The following RDX variants were observed in gnomAD, a reference collection of about 807,000 sequenced individuals.
RDX encodes the protein deafness, autosomal recessive 24.
In RDX, 32 loss-of-function variants were observed where a neutral mutation model predicts 83.7. The observed-to-expected ratio is 0.38, with a 90% CI of 0.29 to 0.51. The LOEUF is 0.51. Ranked by LOEUF, RDX falls within the 20% of genes least tolerant of loss-of-function variation. The probability of loss-of-function intolerance (pLI) is 0.87; values close to 1 mark genes in which losing one functional copy is unlikely to be tolerated. For missense variants in RDX, 600 were observed against 689.9 expected (o/e 0.87, Z 1.46); for synonymous variants, 229 against 222.7 (o/e 1.03, Z -0.25).
intron 2 of RDX, 93 bp from the exon 3 acceptor site, chr11:110,272,712 T>C (rs963193132): frequency 1.2e-6 from 1 of 840,276 alleles, no homozygotes; most frequent in African/African-American, 1.7e-5. Context: ...GATAAAGTTT[T>C]ATTTTAATCA....
chr11:110,183,009 C>T (rs927012051), intron 15 of RDX, among the ~76,000 whole-genome samples: 3 of 152,164 alleles, frequency 2.0e-5, no homozygotes, highest in Non-Finnish European at 2.9e-5. Context: ...CCTTAGAATG[C>T]GACTCATCCC....
At chr11:110,284,270 C>A (rs1181279096) in intron 1 of RDX, among the ~76,000 whole-genome samples, 1 of 152,096 alleles carries the variant, frequency 6.6e-6, no homozygotes, top group Non-Finnish European at 1.5e-5. Context: ...ATTTCTCCCC[C>A]CAAACTAAAT....
rs1413873470 is a variant in RDX, at chr11:110,231,525, C to A, written c.*344G>T. ...AACCCATTAAAATGTTCACCATTATCCTTTAAAATGTACACAGAACTGAAA... is the reference window on the plus strand; with the variant it reads ...AACCCATTAAAATGTTCACCATTATACTTTAAAATGTACACAGAACTGAAA... On this transcript the variant is annotated 3_prime_UTR_variant, in exon 14 of 14. Coordinates refer to ENST00000645495, the MANE Select transcript of RDX (RefSeq NM_002906.4). 1 of 310,806 alleles carries A rather than the reference C, an allele frequency of 3.2e-6. No individual in the cohort carries two copies. Among genetic ancestry groups the A allele is most frequent in the East Asian group, 7.3e-5 (1 of 13,706 alleles). 19.3% of individuals were successfully genotyped at this position (310,806 alleles called of 1,614,324 possible).
At chr11:110,244,940 A>G (rs535632669) in intron 10 of RDX, among the ~76,000 whole-genome samples, 56 of 150,842 alleles carry the variant, frequency 3.7e-4, no homozygotes, top group African/African-American at 1.2e-3. Context: ...AGAAATACGT[A>G]TATTACTGTA....
chr11:110,278,503 A>G (rs1451169346), intron 2 of RDX, among the ~76,000 whole-genome samples: 1 of 152,114 alleles, frequency 6.6e-6, no homozygotes, highest in Non-Finnish European at 1.5e-5. Flanking sequence ...ATTTATTACT[A>G]AGTGTGTCAT....
At chr11:110,216,534 T>A (rs894980413) in intron 14 of RDX, among the ~76,000 whole-genome samples, 2 of 122,936 alleles carry the variant, frequency 1.6e-5, no homozygotes, top group African/African-American at 6.1e-5. Context: ...CCACACCAAT[T>A]TTTTTTCTTT....
chr11:110,203,000 A>C (rs893849605), intron 14 of RDX, among the ~76,000 whole-genome samples: 3 of 152,030 alleles, frequency 2.0e-5, no homozygotes, highest in African/African-American at 2.4e-5. Flanking sequence ...CAGCAACCCC[A>C]CTACTGTGTA....
chr11:110,294,727 AAAAAC>A (rs978113227), intron 1 of RDX, among the ~76,000 whole-genome samples: 13 of 152,134 alleles, frequency 8.5e-5, no homozygotes, highest in East Asian at 5.8e-4. Context: ...TTTCAAAAAA[AAAAAC>A]AAAAGGACAG....
At chr11:110,189,262 AAAAAAAGACAAGGGCATTACATAATGAC>A (rs1341152122) in intron 15 of RDX, among the ~76,000 whole-genome samples, 39 of 146,012 alleles carry the variant, frequency 2.7e-4, no homozygotes, top group African/African-American at 8.0e-4. Context: ...AAAAAAAAAA[AAAAAAAGACAAGGGCATTACATAATGAC>A]AAAGGGATCA....
intron 5 of RDX, among the ~76,000 whole-genome samples, chr11:110,262,050 T>A (rs1395213786): frequency 6.6e-6 from 1 of 152,144 alleles, no homozygotes; most frequent in East Asian, 1.9e-4. Context: ...GTAATTCTGA[T>A]TATAAAACAA....
At chr11:110,271,907 A>G (rs927840448) in intron 3 of RDX, among the ~76,000 whole-genome samples, 7 of 152,190 alleles carry the variant, frequency 4.6e-5, no homozygotes, top group African/African-American at 1.7e-4. Flanking sequence ...CAGTACCAAC[A>G]TGACTCTGCA....
At chr11:110,181,774 A>C (rs942955745) in intron 15 of RDX, 3 of 152,648 alleles carry the variant, frequency 2.0e-5, no homozygotes, top group Non-Finnish European at 4.4e-5. Context: ...GTTATCACAC[A>C]TACACCAGGT....
chr11:110,206,307 G>A (rs1469551575), intron 14 of RDX, among the ~76,000 whole-genome samples: 1 of 151,644 alleles, frequency 6.6e-6, no homozygotes, highest in Non-Finnish European at 1.5e-5. Flanking sequence ...CCACCATTGG[G>A]GGAACTGATA....
chr11:110,251,395 CG>C (rs1859335149), intron 9 of RDX, among the ~76,000 whole-genome samples: 4 of 151,932 alleles, frequency 2.6e-5, no homozygotes. Flanking sequence ...TATTAAGTAC[CG>C]GGTACTTTGC....
At chr11:110,247,004 A>C (rs1295701556) in intron 10 of RDX, among the ~76,000 whole-genome samples, 1 of 152,184 alleles carries the variant, frequency 6.6e-6, no homozygotes, top group South Asian at 2.1e-4. Context: ...GAGAGGAGAA[A>C]AACATTTTAT....
At chr11:110,278,350 A>G (rs971202755) in intron 2 of RDX, among the ~76,000 whole-genome samples, 5 of 152,124 alleles carry the variant, frequency 3.3e-5, no homozygotes, top group African/African-American at 1.2e-4. Flanking sequence ...ACTGATTGGA[A>G]CTGAATTTCA....
intron 11 of RDX, 141 bp from the exon 12 acceptor site, chr11:110,236,332 T>C: frequency 4.6e-6 from 3 of 651,484 alleles, no homozygotes; most frequent in Non-Finnish European, 8.0e-6. Context: ...TTTCTTAAGA[T>C]CTTAAATAGC....
chr11:110,283,175 A>G (rs1052107244), intron 1 of RDX, among the ~76,000 whole-genome samples: 2 of 152,032 alleles, frequency 1.3e-5, no homozygotes, highest in African/African-American at 4.8e-5. Flanking sequence ...TTTTTTGGAG[A>G]TGGAGTCTCG....
At chr11:110,236,871 C>T (rs994637626) in intron 11 of RDX, among the ~76,000 whole-genome samples, 2 of 152,082 alleles carry the variant, frequency 1.3e-5, no homozygotes, top group African/African-American at 2.4e-5. Flanking sequence ...CCACCTGCCT[C>T]GGCCTCCCAA....
Sources: gnomAD v4.1 joint callset for allele counts (sites outside exome capture counted in the v4.1 genomes callset) on GRCh38, gnomAD v4.1.1 for gene constraint, MANE v1.5 for transcripts, NCBI Gene and HGNC (gene_info 2026-07-23, HGNC 2026-07-21) for gene names.